Variants in NEBL observed in about 807,000 individuals in gnomAD.
The protein encoded by NEBL is LIM and SH3 protein 2.
NEBL carries 122 observed loss-of-function variants against 140.2 expected under a neutral mutation model. The ratio of observed to expected loss-of-function variants is 0.87; its 90% CI spans 0.75 to 1.01. The LOEUF (loss-of-function observed/expected upper bound fraction) is 1.01, where lower values mean the gene tolerates loss of function less well. NEBL is among the 50% of genes least tolerant of loss of function. The pLI, the probability that NEBL is intolerant of heterozygous loss-of-function variation, is 0.00. For missense variants in NEBL, 1,365 were observed against 1,231.3 expected (o/e 1.11, Z -1.62); for synonymous variants, 436 against 398.9 (o/e 1.09, Z -1.11).
chr10:21,160,189 G>GAA (rs527390723), intron 2 of NEBL, among the ~76,000 whole-genome samples: 2 of 142,112 alleles, frequency 1.4e-5, no homozygotes. Flanking sequence ...ACTGTATAAA[G>GAA]AAAAAAAAAA....
At chr10:21,245,721 G>A (rs1842508074) in intron 3 of NEBL, among the ~76,000 whole-genome samples, 1 of 151,708 alleles carries the variant, frequency 6.6e-6, no homozygotes, top group African/African-American at 2.4e-5. Context: ...GCTGGGCATG[G>A]AGACGAAGTC....
chr10:21,254,260 T>C (rs1842627034), intron 1 of NEBL, among the ~76,000 whole-genome samples: 1 of 151,970 alleles, frequency 6.6e-6, no homozygotes, highest in Non-Finnish European at 1.5e-5. Flanking sequence ...ATCTCAGCCT[T>C]CCAAATAGCT....
At chr10:21,277,312 G>A (rs892081139) in intron 1 of NEBL, among the ~76,000 whole-genome samples, 3 of 150,882 alleles carry the variant, frequency 2.0e-5, no homozygotes, top group African/African-American at 2.4e-5. Flanking sequence ...AGGTTCAAGC[G>A]ATTCTCCTGC....
chr10:21,076,162 A>G (rs114904489), intron 2 of NEBL, among the ~76,000 whole-genome samples: 2,836 of 152,116 alleles, frequency 0.019, 89 homozygotes, highest in African/African-American at 0.065. Context: ...AGAATTACCA[A>G]CCAGGCACGG....
intron 3 of NEBL, among the ~76,000 whole-genome samples, chr10:21,245,533 G>T (rs1428872708): frequency 6.6e-6 from 1 of 152,024 alleles, no homozygotes; most frequent in Non-Finnish European, 1.5e-5. Context: ...TGGGTTTGTT[G>T]TTGTTGTTGT....
rs538336830 is a variant in NEBL, at chr10:20,781,416, T to C, written c.*4331A>G. 37 of 152,370 alleles carry C rather than the reference T, an allele frequency of 2.4e-4. No homozygotes were observed. Among genetic ancestry groups the C allele is most frequent in the African/African-American group, 8.4e-4 (35 of 41,572 alleles). 9.4% of individuals were successfully genotyped at this position (152,370 alleles called of 1,614,324 possible). A position where few individuals can be genotyped will look rare whatever the true frequency, so the allele number is the denominator to read the frequency against. On this transcript the variant is annotated 3_prime_UTR_variant, in exon 28 of 28. Coordinates refer to ENST00000377122, the MANE Select transcript of NEBL (RefSeq NM_006393.3). Reference sequence around the variant, plus strand: ...AGGTCAAACATCAAGTTTCACACCATGCCTGTAATAGACTTGGTGCTGCTT... The same window carrying C: ...AGGTCAAACATCAAGTTTCACACCACGCCTGTAATAGACTTGGTGCTGCTT...
intron 10 of NEBL, among the ~76,000 whole-genome samples, chr10:20,850,739 G>A (rs556978680): frequency 2.6e-5 from 4 of 152,268 alleles, no homozygotes; most frequent in Admixed American, 1.3e-4. Context: ...TGTAGTTCTA[G>A]GAGTTGTATA....
At chr10:20,978,594 T>C (rs538952574) in intron 3 of NEBL, among the ~76,000 whole-genome samples, 1 of 151,926 alleles carries the variant, frequency 6.6e-6, no homozygotes, top group East Asian at 1.9e-4. Context: ...TGGTCTCTAA[T>C]AAAAATTTAA....
chr10:21,255,738 C>T (rs994889704), intron 1 of NEBL, among the ~76,000 whole-genome samples: 23 of 152,008 alleles, frequency 1.5e-4, no homozygotes, highest in African/African-American at 5.1e-4. Context: ...TGGCTCACAC[C>T]GGTAATCCCA....
At chr10:20,975,921 C>G (rs1280766485) in intron 3 of NEBL, among the ~76,000 whole-genome samples, 1 of 151,076 alleles carries the variant, frequency 6.6e-6, no homozygotes, top group Non-Finnish European at 1.5e-5. Flanking sequence ...GAAACTTAAA[C>G]CTAATTAATC....
At chr10:21,047,570 T>C (rs993753066) in intron 2 of NEBL, among the ~76,000 whole-genome samples, 4 of 152,146 alleles carry the variant, frequency 2.6e-5, no homozygotes, top group African/African-American at 9.7e-5. Context: ...ACACACACTC[T>C]ACTTTGTCCC....
chr10:20,878,914 T>C (rs1437526779), intron 5 of NEBL, among the ~76,000 whole-genome samples: 2 of 152,124 alleles, frequency 1.3e-5, no homozygotes, highest in African/African-American at 4.8e-5. Flanking sequence ...ATAAGGAACT[T>C]CCGTATTTGA....
intron 3 of NEBL, among the ~76,000 whole-genome samples, chr10:21,234,863 T>C (rs528545341): frequency 6.6e-6 from 1 of 152,300 alleles, no homozygotes; most frequent in South Asian, 2.1e-4. Context: ...AGGGAAGTTA[T>C]ATGGAACAGC....
At chr10:20,955,211 T>G (rs772263725) in intron 4 of NEBL, among the ~76,000 whole-genome samples, 2 of 152,114 alleles carry the variant, frequency 1.3e-5, no homozygotes, top group Non-Finnish European at 2.9e-5. Context: ...ATATAAAACA[T>G]AAATGGAAAG....
intron 26 of NEBL, among the ~76,000 whole-genome samples, chr10:20,801,864 T>G (rs1332108037): frequency 6.6e-6 from 1 of 152,016 alleles, no homozygotes; most frequent in Non-Finnish European, 1.5e-5. Flanking sequence ...CTGGCTAGGG[T>G]GGGTTAAACT....
At chr10:21,162,427 A>T (rs1333285369) in intron 2 of NEBL, among the ~76,000 whole-genome samples, 2 of 152,120 alleles carry the variant, frequency 1.3e-5, no homozygotes. Context: ...CCTGGGCTTG[A>T]AGTGAGAGCA....
intron 3 of NEBL, among the ~76,000 whole-genome samples, chr10:21,205,701 G>C (rs1177805761): frequency 1.3e-5 from 2 of 151,986 alleles, no homozygotes; most frequent in Non-Finnish European, 1.5e-5. Flanking sequence ...TAGAACAAAG[G>C]TGATTTTTAT....
At chr10:21,197,092 T>C (rs141351836) in intron 3 of NEBL, among the ~76,000 whole-genome samples, 70 of 152,334 alleles carry the variant, frequency 4.6e-4, no homozygotes, top group African/African-American at 1.2e-3. Flanking sequence ...TCGTGGCATA[T>C]TTAATTTTGC....
At chr10:20,998,707 C>T (rs1837765803) in intron 3 of NEBL, among the ~76,000 whole-genome samples, 1 of 152,168 alleles carries the variant, frequency 6.6e-6, no homozygotes, top group South Asian at 2.1e-4. Flanking sequence ...ATCCAATCTG[C>T]ATATTACATT....
Sources: allele counts gnomAD v4.1 joint callset (sites outside exome capture counted in the v4.1 genomes callset), GRCh38; gene constraint gnomAD v4.1.1; transcripts MANE v1.5; gene names NCBI Gene and HGNC (gene_info 2026-07-23, HGNC 2026-07-21).